Variants in CLYBL observed in about 807,000 individuals in gnomAD.
The protein encoded by CLYBL is citramalyl-CoA lyase.
Under a neutral mutation model 38.9 loss-of-function variants are expected in CLYBL, and 31 were observed. The ratio of observed to expected loss-of-function variants is 0.80; its 90% CI spans 0.60 to 1.08. The LOEUF is 1.08. CLYBL is among the 50% of genes least tolerant of loss of function. The pLI is 0.00. For synonymous variants in CLYBL, 171 were observed against 158.6 expected (o/e 1.08, Z -0.59); for missense variants, 434 against 411.6 (o/e 1.05, Z -0.47).
At chr13:99,817,367 C>T (rs942844530) in intron 2 of CLYBL, among the ~76,000 whole-genome samples, 18 of 152,110 alleles carry the variant, frequency 1.2e-4, no homozygotes, top group African/African-American at 4.1e-4. Context: ...GATGTGAAAA[C>T]TTAAGCACTG....
At chr13:99,618,787 C>G (rs2046751972) in intron 1 of CLYBL, among the ~76,000 whole-genome samples, 2 of 152,190 alleles carry the variant, frequency 1.3e-5, no homozygotes, top group African/African-American at 4.8e-5. Context: ...CTAGGTACTT[C>G]ACATACATAG....
chr13:99,724,011 A>G (rs767429785), intron 1 of CLYBL, among the ~76,000 whole-genome samples: 6 of 152,172 alleles, frequency 3.9e-5, no homozygotes, highest in Admixed American at 1.3e-4. Context: ...TTTTGCTGCA[A>G]TGAGTTGTGT....
intron 1 of CLYBL, among the ~76,000 whole-genome samples, chr13:99,713,950 G>C (rs187800916): frequency 6.6e-6 from 1 of 150,962 alleles, no homozygotes; most frequent in South Asian, 2.1e-4. Context: ...TTCCTAAAAT[G>C]CTAGGATTAC....
At chr13:99,635,565 A>G (rs7330733) in intron 1 of CLYBL, among the ~76,000 whole-genome samples, 5,029 of 152,250 alleles carry the variant, frequency 0.033, 282 homozygotes, top group African/African-American at 0.11. Context: ...TCACATAGCA[A>G]ATCATTCTCA....
intron 2 of CLYBL, among the ~76,000 whole-genome samples, chr13:99,782,892 T>C (rs543265603): frequency 6.6e-6 from 1 of 152,258 alleles, no homozygotes; most frequent in African/African-American, 2.4e-5. Context: ...CTATCCTCCT[T>C]CTCTCTTAAT....
chr13:99,608,049 G>A (rs904941663), intron 1 of CLYBL, among the ~76,000 whole-genome samples: 15 of 146,064 alleles, frequency 1.0e-4, no homozygotes, highest in African/African-American at 2.8e-4. Flanking sequence ...CCGGCCTGGT[G>A]GTCTGGAACT....
At position 99,637,962 on chromosome 13, in the gene CLYBL, C is replaced by CTTATTTT. The variant is rs767108553; in HGVS notation, c.62+31207_62+31208insATTTTTT. Among the ~76,000 whole-genome samples, 31 of 95,002 alleles carry CTTATTTT rather than the reference C, an allele frequency of 3.3e-4. 2 individuals carry two copies. Among genetic ancestry groups the CTTATTTT allele is most frequent in the African/African-American group, 1.2e-3 (30 of 25,574 alleles). 62.3% of individuals were successfully genotyped at this position (95,002 alleles called of 152,430 possible). A position where few individuals can be genotyped will look rare whatever the true frequency, so the allele number is the denominator to read the frequency against. On this transcript the variant is annotated intron_variant, in intron 1 of 8. Coordinates refer to ENST00000339105, the MANE Select transcript of CLYBL (RefSeq NM_206808.5). ...ATCTAGTTATCCAAGTCAACAGTGCCTTTTTTTTTTTTTTTTTTTGAGACA... is the reference window on the plus strand; with the variant it reads ...ATCTAGTTATCCAAGTCAACAGTGCCTTATTTTTTTTTTTTTTTTTTTTTTTGAGACA...
At position 99,854,061 on chromosome 13, in the gene CLYBL, A is replaced by G. The variant is rs146681902; in HGVS notation, c.250-4800A>G. 6.0e-4 allele frequency among the ~76,000 whole-genome samples: 91 copies of G among 152,342 alleles called. 1 individual carries two copies. The East Asian group carries it at 0.017, about 28-fold the overall frequency. ...CATGGCAATTGCCTTTTGCAGGATG[A>G]AAATATTCATTGTACTTTTCTTTCA... On this transcript the variant is annotated intron_variant, in intron 2 of 8. Coordinates refer to ENST00000339105, the MANE Select transcript of CLYBL (RefSeq NM_206808.5).
At chr13:99,618,925 A>G (rs1045086836) in intron 1 of CLYBL, among the ~76,000 whole-genome samples, 3 of 152,194 alleles carry the variant, frequency 2.0e-5, no homozygotes, top group Admixed American at 2.0e-4. Context: ...TTGTGTGCCT[A>G]TTCCATATTT....
intron 1 of CLYBL, among the ~76,000 whole-genome samples, chr13:99,688,732 T>C (rs1344617912): frequency 1.3e-5 from 2 of 152,136 alleles, no homozygotes; most frequent in East Asian, 3.9e-4. Context: ...CTGCATGGAA[T>C]GGAGGATCTG....
intron 1 of CLYBL, among the ~76,000 whole-genome samples, chr13:99,686,643 A>G (rs2139415895): frequency 6.6e-6 from 1 of 152,336 alleles, no homozygotes; most frequent in Non-Finnish European, 1.5e-5. Flanking sequence ...ATTTATATAC[A>G]TTATTGAATC....
chr13:99,665,638 G>A (rs2047469817), intron 1 of CLYBL, among the ~76,000 whole-genome samples: 1 of 151,150 alleles, frequency 6.6e-6, no homozygotes, highest in African/African-American at 2.4e-5. Context: ...TTCATGAAAA[G>A]CAGTCTATTT....
chr13:99,655,378 G>A (rs1248735753), intron 1 of CLYBL, among the ~76,000 whole-genome samples: 1 of 152,096 alleles, frequency 6.6e-6, no homozygotes, highest in Non-Finnish European at 1.5e-5. Flanking sequence ...GCCTGGCCTG[G>A]TGTTGCATTT....
intron 2 of CLYBL, among the ~76,000 whole-genome samples, chr13:99,786,750 T>TTTCTAG (rs201029361): frequency 0.22 from 33,392 of 151,710 alleles, 3,740 homozygotes; most frequent in East Asian, 0.26. Flanking sequence ...TCAAATGGTA[T>TTTCTAG]TTCTAGTTCT....
chr13:99,708,985 C>T (rs569193088), intron 1 of CLYBL, among the ~76,000 whole-genome samples: 14 of 151,924 alleles, frequency 9.2e-5, no homozygotes, highest in South Asian at 8.3e-4. Flanking sequence ...CCCAGCTACT[C>T]GGGAGGCTGA....
At chr13:99,670,543 A>G (rs977651158) in intron 1 of CLYBL, among the ~76,000 whole-genome samples, 2 of 152,220 alleles carry the variant, frequency 1.3e-5, no homozygotes, top group Non-Finnish European at 2.9e-5. Flanking sequence ...TTTAGGATTT[A>G]GAAATCTCTG....
intron 2 of CLYBL, among the ~76,000 whole-genome samples, chr13:99,852,476 T>C (rs2051356222): frequency 6.6e-6 from 1 of 152,210 alleles, no homozygotes; most frequent in Non-Finnish European, 1.5e-5. Flanking sequence ...AATTGTACAC[T>C]TAGGTAAACT....
intron 8 of CLYBL, among the ~76,000 whole-genome samples, chr13:99,902,463 T>C (rs923940185): frequency 6.6e-6 from 1 of 152,236 alleles, no homozygotes; most frequent in Non-Finnish European, 1.5e-5. Context: ...ACACTGCCTA[T>C]GAAAATCAGC....
At chr13:99,627,352 T>G (rs746448259) in intron 1 of CLYBL, among the ~76,000 whole-genome samples, 1 of 152,222 alleles carries the variant, frequency 6.6e-6, no homozygotes, top group Non-Finnish European at 1.5e-5. Flanking sequence ...AAATTAACCT[T>G]GCATTTTCTC....
Sources: gnomAD v4.1 joint callset for allele counts (sites outside exome capture counted in the v4.1 genomes callset) on GRCh38, gnomAD v4.1.1 for gene constraint, MANE v1.5 for transcripts, NCBI Gene and HGNC (gene_info 2026-07-23, HGNC 2026-07-21) for gene names.